The following SOX6 variants were observed in gnomAD, a reference collection of about 807,000 sequenced individuals.
The protein encoded by SOX6 is SRY-box transcription factor 6.
SOX6 carries 11 observed loss-of-function variants against 97.8 expected under a neutral mutation model. The observed-to-expected ratio is 0.11, with a 90% CI of 0.07 to 0.19. The LOEUF is 0.19. Among genes scored for constraint, SOX6 ranks in the 10% least tolerant of loss-of-function variants. The pLI, the probability that SOX6 is intolerant of heterozygous loss-of-function variation, is 1.00. For missense variants in SOX6, 810 were observed against 1,039.5 expected (o/e 0.78, Z 3.04); for synonymous variants, 360 against 371.4 (o/e 0.97, Z 0.35).
intron 11 of SOX6, 97 bp downstream of exon 11, chr11:16,049,658 G>A: frequency 7.2e-7 from 1 of 1,387,706 alleles, no homozygotes; most frequent in Non-Finnish European, 1.0e-6. Flanking sequence ...CTTTTACTAA[G>A]GAGCACTTTG....
chr11:16,451,981 T>TAAAAATAA lies in SOX6; in HGVS notation c.-5+24326_-5+24333dup, dbSNP rs1309328890. On this transcript the variant is annotated intron_variant, in intron 1 of 15. Transcript: ENST00000396356. ...TTGGGTGACAGAGCAAGACCCTATCTAAAAATAAATAAATAAATAAATAAA... is the reference window on the plus strand; with the variant it reads ...TTGGGTGACAGAGCAAGACCCTATCTAAAAATAAAAAAATAAATAAATAAATAAATAAA... Among the ~76,000 whole-genome samples the TAAAAATAA allele has an allele frequency of 1.2e-4, 5 of 41,050 alleles. No homozygotes were observed. In the East Asian group the frequency reaches 7.5e-3, roughly 62 times the overall value. The allele number at this position is 41,050 out of a possible 152,430, so 26.9% of individuals were successfully genotyped here.
chr11:16,299,808 G>T (rs999415970), intron 3 of SOX6, among the ~76,000 whole-genome samples: 26 of 151,986 alleles, frequency 1.7e-4, no homozygotes, highest in African/African-American at 5.6e-4. Flanking sequence ...CCAAAGAAAG[G>T]GGGGAGATAT....
rs192284716 is a variant in SOX6, at chr11:16,529,087, A to T, written n.610-52699T>A. On this transcript the variant is annotated intron_variant and non_coding_transcript_variant, in intron 4 of 5. Transcript: ENST00000524520. ...GCTTCAGACCACGATATGTCTGCCAATTTCTACCACAGTTTTAATCTATTT... is the reference window on the plus strand; with the variant it reads ...GCTTCAGACCACGATATGTCTGCCATTTTCTACCACAGTTTTAATCTATTT... 4.6e-3 allele frequency among the ~76,000 whole-genome samples: 694 copies of T among 152,190 alleles called. 2 individuals carry two copies. The highest frequency in any genetic ancestry group is 7.5e-3 in the Non-Finnish European group (509 of 67,984).
At position 15,967,127 on chromosome 11, in the gene SOX6, C is replaced by A. The variant is rs1419761120; in HGVS notation, c.*5682G>T. Reference sequence around the variant, plus strand: ...TAGACACTAGTTTTTATGTTTTTTTCTTTTTTTCTAATTGCCCAAATAGTT... The same window carrying A: ...TAGACACTAGTTTTTATGTTTTTTTATTTTTTTCTAATTGCCCAAATAGTT... On this transcript the variant is annotated 3_prime_UTR_variant, in exon 16 of 16. Coordinates refer to ENST00000683767, the MANE Select transcript of SOX6 (RefSeq NM_001367873.1). 1 of 151,798 alleles carries A rather than the reference C, an allele frequency of 6.6e-6. No homozygotes were observed. Among genetic ancestry groups the A allele is most frequent in the Non-Finnish European group, 1.5e-5 (1 of 67,926 alleles). 9.4% of individuals were successfully genotyped at this position (151,798 alleles called of 1,614,324 possible). A position where few individuals can be genotyped will look rare whatever the true frequency, so the allele number is the denominator to read the frequency against.
intron 4 of SOX6, among the ~76,000 whole-genome samples, chr11:16,514,658 C>T (rs1860936894): frequency 1.3e-5 from 2 of 151,068 alleles, no homozygotes; most frequent in African/African-American, 4.9e-5. Flanking sequence ...AACTCGTCAT[C>T]TAGCATTAGG....
rs1180318721 is a variant in SOX6 at position 16,200,470 on chromosome 11, A to C, written c.536-13515T>G. ...GTTTCTTTTATACTTAAGGTTTAAA[A>C]CAGAGTTGAAAGTTTTTAAAGTGCT... is the stretch of plus-strand genomic sequence containing the variant. On this transcript the variant is annotated intron_variant, in intron 4 of 15. Coordinates refer to ENST00000683767, the MANE Select transcript of SOX6 (RefSeq NM_001367873.1). Among the ~76,000 whole-genome samples, 6 of 152,348 alleles carry C rather than the reference A, an allele frequency of 3.9e-5. No homozygotes were observed. In the East Asian group the frequency reaches 9.6e-4, roughly 24 times the overall value.
intron 13 of SOX6, among the ~76,000 whole-genome samples, chr11:16,013,631 T>C (rs1854796594): frequency 1.3e-5 from 2 of 151,784 alleles, no homozygotes; most frequent in African/African-American, 4.8e-5. Context: ...TCTCTTCTCT[T>C]CCCCTCCCTC....
chr11:16,182,709 C>T (rs1243321020), intron 6 of SOX6, among the ~76,000 whole-genome samples: 1 of 151,866 alleles, frequency 6.6e-6, no homozygotes, highest in African/African-American at 2.4e-5. Flanking sequence ...TGGCTAAGAT[C>T]TCCTACTGAA....
Position 15,969,419 on chromosome 11 carries a change from AG to A in SOX6, c.*3389del, listed in dbSNP as rs1264483404. 1 of 152,228 alleles carries A rather than the reference AG, an allele frequency of 6.6e-6. No homozygotes were observed. Among genetic ancestry groups the A allele is most frequent in the African/African-American group, 2.4e-5 (1 of 41,450 alleles). 9.4% of individuals were successfully genotyped at this position (152,228 alleles called of 1,614,324 possible). ...TGTCTCCTAACTGTAGTGGAAATTT[AG>A]TATGTCCAATCATCAACTTTCTGTA... On this transcript the variant is annotated 3_prime_UTR_variant, in exon 16 of 16. Coordinates refer to ENST00000683767, the MANE Select transcript of SOX6 (RefSeq NM_001367873.1).
chr11:16,523,502 T>C (rs1861105369), intron 4 of SOX6, among the ~76,000 whole-genome samples: 2 of 151,980 alleles, frequency 1.3e-5, no homozygotes, highest in Non-Finnish European at 2.9e-5. Context: ...GGGAAATTTA[T>C]AGCACTAAAT....
intron 4 of SOX6, among the ~76,000 whole-genome samples, chr11:16,581,428 C>G (rs1848031296): frequency 6.6e-6 from 1 of 151,984 alleles, no homozygotes. Flanking sequence ...GGGAGAGGAA[C>G]AACACACACC....
intron 3 of SOX6, among the ~76,000 whole-genome samples, chr11:16,689,578 C>G (rs1257619534): frequency 1.3e-5 from 2 of 152,162 alleles, no homozygotes; most frequent in Non-Finnish European, 2.9e-5. Flanking sequence ...GAACCAGACA[C>G]TAATGTCTTG....
rs117211037 is a variant in SOX6, at chr11:16,556,612, T to C, written n.609+55469A>G. Among the ~76,000 whole-genome samples, 606 of 151,906 alleles carry C rather than the reference T, an allele frequency of 4.0e-3. 15 individuals are homozygous for C. The East Asian group carries it at 0.052, about 13-fold the overall frequency. On this transcript the variant is annotated intron_variant and non_coding_transcript_variant, in intron 4 of 5. Transcript: ENST00000524520. Reference sequence around the variant, plus strand: ...CATTTTCTATGTTCATTAAAATGTTTAACATTTCAGATTGATGAAATACCC... The same window carrying C: ...CATTTTCTATGTTCATTAAAATGTTCAACATTTCAGATTGATGAAATACCC...
At chr11:16,083,784 C>T (rs893353777) in intron 9 of SOX6, among the ~76,000 whole-genome samples, 4 of 152,082 alleles carry the variant, frequency 2.6e-5, no homozygotes, top group East Asian at 1.9e-4. Flanking sequence ...TTTTCACAAA[C>T]ATTTTCTTAT....
intron 6 of SOX6, among the ~76,000 whole-genome samples, chr11:16,143,186 G>T (rs1475513661): frequency 6.6e-6 from 1 of 152,124 alleles, no homozygotes; most frequent in East Asian, 1.9e-4. Flanking sequence ...AATAGAGTGG[G>T]GGCCAATATT....
chr11:16,337,541 C>A (rs1856502175), intron 2 of SOX6, among the ~76,000 whole-genome samples: 1 of 152,062 alleles, frequency 6.6e-6, no homozygotes, highest in Admixed American at 6.6e-5. Flanking sequence ...AACAAAAGCA[C>A]ATTTTAGTGG....
chr11:16,411,500 C>A (rs1227916207), intron 1 of SOX6, among the ~76,000 whole-genome samples: 1 of 152,018 alleles, frequency 6.6e-6, no homozygotes, highest in Admixed American at 6.6e-5. Flanking sequence ...TGAGAATACA[C>A]ATCTTTTAAT....
chr11:16,073,220 C>T (rs567558733), intron 9 of SOX6, among the ~76,000 whole-genome samples: 6 of 151,976 alleles, frequency 3.9e-5, no homozygotes, highest in African/African-American at 9.7e-5. Flanking sequence ...TCAGTGACAC[C>T]CATAGGCTAA....
intron 1 of SOX6, among the ~76,000 whole-genome samples, chr11:16,445,327 T>A (rs566711350): frequency 6.6e-6 from 1 of 152,182 alleles, no homozygotes; most frequent in South Asian, 2.1e-4. Flanking sequence ...TTCTCCTTCA[T>A]CTCCGGTCTC....
Sources: gnomAD v4.1 joint callset for allele counts (sites outside exome capture counted in the v4.1 genomes callset) on GRCh38, gnomAD v4.1.1 for gene constraint, MANE v1.5 for transcripts, NCBI Gene and HGNC (gene_info 2026-07-23, HGNC 2026-07-21) for gene names.